Variants in TRPM3 observed in about 807,000 individuals in gnomAD.
TRPM3 encodes the protein long transient receptor potential channel 3.
In TRPM3, 77 loss-of-function variants were observed where a neutral mutation model predicts 181.2. That is an observed-to-expected ratio of 0.42 (90% CI 0.35 to 0.51). The LOEUF (loss-of-function observed/expected upper bound fraction) is 0.51. TRPM3 is among the 20% of genes least tolerant of loss of function. The pLI is 0.01. For synonymous variants in TRPM3, 745 were observed against 796.4 expected, an observed-to-expected ratio of 0.94 and a Z score of 1.09; for missense variants, 1,759 against 2,196.7, an observed-to-expected ratio of 0.80 and a Z score of 3.98.
At chr9:71,233,939 ATTAC>A (rs2081218164) in intron 1 of TRPM3, among the ~76,000 whole-genome samples, 1 of 152,206 alleles carries the variant, frequency 6.6e-6, no homozygotes, top group Non-Finnish European at 1.5e-5. Context: ...TAATTATTAT[ATTAC>A]TTACCTATTT....
intron 1 of TRPM3, among the ~76,000 whole-genome samples, chr9:70,977,436 G>C (rs951659176): frequency 6.6e-6 from 1 of 152,224 alleles, no homozygotes; most frequent in Non-Finnish European, 1.5e-5. Flanking sequence ...GCCTGGCCCA[G>C]TCTGAACTGT....
At chr9:71,009,549 AAAAACTAT>A (rs1336578150) in intron 1 of TRPM3, among the ~76,000 whole-genome samples, 14 of 152,288 alleles carry the variant, frequency 9.2e-5, no homozygotes, top group African/African-American at 2.6e-4. Flanking sequence ...CCTCTACAAT[AAAAACTAT>A]AAAACACTAA....
rs1054387683 is a variant in TRPM3, at chr9:70,535,129, T to A, written c.*824A>T. On this transcript the variant is annotated 3_prime_UTR_variant, in exon 26 of 26. Transcript: ENST00000677713. ...CAAAATAAATTAAAAAATATAAAATTATTTAATTACATTCTCCTGAGCTTG... is the reference window on the plus strand; with the variant it reads ...CAAAATAAATTAAAAAATATAAAATAATTTAATTACATTCTCCTGAGCTTG... 3 of 258,638 alleles carry A rather than the reference T, an allele frequency of 1.2e-5. No homozygotes were observed. Among genetic ancestry groups the A allele is most frequent in the Non-Finnish European group, 2.2e-5 (3 of 139,052 alleles). 16.0% of individuals were successfully genotyped at this position (258,638 alleles called of 1,614,324 possible).
intron 1 of TRPM3, among the ~76,000 whole-genome samples, chr9:71,397,181 T>G (rs2093221485): frequency 6.6e-6 from 1 of 152,202 alleles, no homozygotes; most frequent in African/African-American, 2.4e-5. Context: ...TATATTTCCA[T>G]TTAGATAAAG....
At chr9:70,746,890 G>C (rs551039787) in intron 8 of TRPM3, among the ~76,000 whole-genome samples, 67 of 152,250 alleles carry the variant, frequency 4.4e-4, no homozygotes, top group African/African-American at 1.6e-3. Flanking sequence ...TGCCACATTA[G>C]ATTGCTTCCC....
chr9:70,634,431 A>T (rs1333453954), intron 12 of TRPM3, among the ~76,000 whole-genome samples: 1 of 152,234 alleles, frequency 6.6e-6, no homozygotes, highest in Non-Finnish European at 1.5e-5. Context: ...TAAAATAATA[A>T]TTCTATTTCA....
At chr9:71,075,861 T>C (rs1373275726) in intron 1 of TRPM3, among the ~76,000 whole-genome samples, 1 of 152,184 alleles carries the variant, frequency 6.6e-6, no homozygotes, top group Non-Finnish European at 1.5e-5. Context: ...ACGGAGTGCA[T>C]TAAGAGTAAA....
intron 1 of TRPM3, among the ~76,000 whole-genome samples, chr9:71,043,824 C>T (rs780037023): frequency 2.6e-5 from 4 of 152,172 alleles, no homozygotes; most frequent in Non-Finnish European, 5.9e-5. Context: ...AGTATACCAT[C>T]TGAACACCTC....
At chr9:71,371,529 G>A (rs536912459) in intron 1 of TRPM3, among the ~76,000 whole-genome samples, 1 of 152,316 alleles carries the variant, frequency 6.6e-6, no homozygotes, top group South Asian at 2.1e-4. Context: ...TTGATGATGT[G>A]ACTGAATTGC....
chr9:70,777,241 A>G (rs2081535013), intron 7 of TRPM3, among the ~76,000 whole-genome samples: 1 of 152,066 alleles, frequency 6.6e-6, no homozygotes, highest in Admixed American at 6.6e-5. Flanking sequence ...ATGTTCAAGG[A>G]CACTCTTTCC....
chr9:71,038,912 G>C (rs1389620464), intron 1 of TRPM3, among the ~76,000 whole-genome samples: 1 of 152,154 alleles, frequency 6.6e-6, no homozygotes, highest in African/African-American at 2.4e-5. Flanking sequence ...TCTAAGGCTA[G>C]AAGAGGCAGA....
rs1420653151 is a variant in TRPM3, at chr9:70,629,605, G to A, written c.1633-4088C>T. 3.9e-5 allele frequency among the ~76,000 whole-genome samples: 6 copies of A among 152,006 alleles called. No individual in the cohort carries two copies. The East Asian group carries it at 1.2e-3, about 29-fold the overall frequency. On this transcript the variant is annotated intron_variant, in intron 12 of 25. Transcript: ENST00000677713. ...ACTCATCTCGGCCTCCCAAAGTGTTGGGATTACAGGCATGAGCCACCGCTA... is the reference window on the plus strand; with the variant it reads ...ACTCATCTCGGCCTCCCAAAGTGTTAGGATTACAGGCATGAGCCACCGCTA...
At chr9:71,178,558 A>G (rs948591264) in intron 1 of TRPM3, among the ~76,000 whole-genome samples, 5 of 152,166 alleles carry the variant, frequency 3.3e-5, no homozygotes, top group African/African-American at 1.2e-4. Flanking sequence ...GACATTTGCA[A>G]ATAATTACTT....
At chr9:71,123,549 G>C (rs2073855876), upstream of TRPM3, among the ~76,000 whole-genome samples, 1 of 152,220 alleles carries the variant, frequency 6.6e-6, no homozygotes, top group South Asian at 2.1e-4. Context: ...AGCATGTGCT[G>C]ATTCTGAGCT....
At chr9:71,313,550 T>A (rs994128414) in intron 1 of TRPM3, among the ~76,000 whole-genome samples, 10 of 152,182 alleles carry the variant, frequency 6.6e-5, no homozygotes, top group Admixed American at 6.6e-4. Context: ...GTACCTTATA[T>A]GACTCCTGAT....
intron 9 of TRPM3, among the ~76,000 whole-genome samples, chr9:70,665,764 A>G (rs2061759733): frequency 6.6e-6 from 1 of 152,154 alleles, no homozygotes; most frequent in Non-Finnish European, 1.5e-5. Context: ...TGCATTCCCC[A>G]TATTTTTATT....
chr9:71,382,614 T>A (rs1047080542), intron 1 of TRPM3, among the ~76,000 whole-genome samples: 1 of 151,740 alleles, frequency 6.6e-6, no homozygotes, highest in Non-Finnish European at 1.5e-5. Flanking sequence ...TAAACCCTCA[T>A]ATAAGTGGCA....
chr9:70,804,120 C>T (rs1161598257), intron 6 of TRPM3, among the ~76,000 whole-genome samples: 2 of 151,914 alleles, frequency 1.3e-5, no homozygotes, highest in Admixed American at 1.3e-4. Flanking sequence ...CACTTGAGGC[C>T]ACCAGTTCGA....
chr9:71,376,612 G>A (rs1206599016), intron 1 of TRPM3, among the ~76,000 whole-genome samples: 1 of 151,866 alleles, frequency 6.6e-6, no homozygotes, highest in African/African-American at 2.4e-5. Context: ...CATGGTAGGG[G>A]TTCAATAACT....
Sources: allele counts gnomAD v4.1 joint callset (sites outside exome capture counted in the v4.1 genomes callset), GRCh38; gene constraint gnomAD v4.1.1; transcripts MANE v1.5; gene names NCBI Gene and HGNC (gene_info 2026-07-23, HGNC 2026-07-21).